The following DSE variants were observed in gnomAD, a reference collection of about 807,000 sequenced individuals.
DSE encodes the protein dermatan-sulfate epimerase.
Under a neutral mutation model 84.4 loss-of-function variants are expected in DSE, and 36 were observed. The ratio of observed to expected loss-of-function variants is 0.43; its 90% CI spans 0.33 to 0.56. DSE has a LOEUF of 0.56. Among genes scored for constraint, DSE ranks in the 20% least tolerant of loss-of-function variants. The pLI is 0.06. For missense variants in DSE, 862 were observed against 1,169.6 expected, an observed-to-expected ratio of 0.74 and a Z score of 3.84; for synonymous variants, 410 against 430.1, an observed-to-expected ratio of 0.95 and a Z score of 0.58.
intron 2 of DSE, among the ~76,000 whole-genome samples, chr6:116,273,789 A>G (rs940427008): frequency 4.6e-5 from 7 of 152,112 alleles, no homozygotes; most frequent in Non-Finnish European, 8.8e-5. Context: ...AACTACTGCA[A>G]GATTACAATT....
intron 2 of DSE, chr6:116,279,472 C>A: frequency 6.2e-7 from 1 of 1,612,536 alleles, no homozygotes; most frequent in Non-Finnish European, 8.5e-7. Flanking sequence ...CTTTTTCAGG[C>A]TGCGGTCGGC....
At chr6:116,405,917 C>T (rs1034907506) in intron 2 of DSE, among the ~76,000 whole-genome samples, 1 of 152,208 alleles carries the variant, frequency 6.6e-6, no homozygotes, top group Non-Finnish European at 1.5e-5. Flanking sequence ...ATGTTCTGCT[C>T]ACCTAAATTG....
upstream of DSE, among the ~76,000 whole-genome samples, chr6:116,368,322 G>A (rs1055924295): frequency 1.3e-5 from 2 of 152,226 alleles, no homozygotes; most frequent in Non-Finnish European, 2.9e-5. Context: ...TTCAAATCCA[G>A]TGTCGGTTGG....
rs1486078111 is a variant in DSE at position 116,437,543 on chromosome 6, C to G, written c.*198C>G. The G allele has an allele frequency of 3.6e-6, 2 of 554,218 alleles. No individual in the cohort carries two copies. Among genetic ancestry groups the G allele is most frequent in the Non-Finnish European group, 6.1e-6 (2 of 325,512 alleles). 34.3% of individuals were successfully genotyped at this position (554,218 alleles called of 1,614,324 possible). A position where few individuals can be genotyped will look rare whatever the true frequency, so the allele number is the denominator to read the frequency against. ...GAAATTATCAAAGCAATAGAAATAG[C>G]TTGGTGGTCCTATGGTGTTTTTGGA... On this transcript the variant is annotated 3_prime_UTR_variant, in exon 6 of 6. Coordinates refer to ENST00000644252, the MANE Select transcript of DSE (RefSeq NM_013352.4).
At chr6:116,399,005 A>G (rs1202734941) in intron 1 of DSE, among the ~76,000 whole-genome samples, 193 bp from the exon 2 acceptor site, 1 of 152,206 alleles carries the variant, frequency 6.6e-6, no homozygotes, top group East Asian at 1.9e-4. Context: ...TACAATTCTG[A>G]TGTAGTATGT....
intron 1 of DSE, among the ~76,000 whole-genome samples, chr6:116,373,928 T>G (rs574945116): frequency 2.0e-5 from 3 of 152,212 alleles, no homozygotes; most frequent in Non-Finnish European, 4.4e-5. Flanking sequence ...ATAGTATTAT[T>G]TCAATAAATA....
At chr6:116,318,943 G>C (rs1419787800) in intron 2 of DSE, among the ~76,000 whole-genome samples, 1 of 152,000 alleles carries the variant, frequency 6.6e-6, no homozygotes, top group Non-Finnish European at 1.5e-5. Flanking sequence ...CTAAAATAGA[G>C]GACAGAATGC....
Position 116,364,053 on chromosome 6 carries a change from T to A in DSE, c.-53-35145T>A, listed in dbSNP as rs186836194. Among the ~76,000 whole-genome samples, 68 of 152,380 alleles carry A rather than the reference T, an allele frequency of 4.5e-4. 1 individual carries two copies. The East Asian group carries it at 0.012, about 27-fold the overall frequency. ...AAAAACTGGTAACAGTCCCCATCTA[T>A]GTTAACCTTGGTTTCTTTGTAAAAC... On this transcript the variant is annotated intron_variant, in intron 2 of 3. Coordinates refer to the DSE transcript ENST00000430252.
chr6:116,320,416 TAAAG>T (rs1244582480), intron 2 of DSE, among the ~76,000 whole-genome samples: 1 of 151,600 alleles, frequency 6.6e-6, no homozygotes, highest in Non-Finnish European at 1.5e-5. Flanking sequence ...TATTTCTAGA[TAAAG>T]AACTTATTAG....
At chr6:116,344,681 T>C (rs1777837550) in intron 2 of DSE, among the ~76,000 whole-genome samples, 1 of 152,110 alleles carries the variant, frequency 6.6e-6, no homozygotes, top group African/African-American at 2.4e-5. Flanking sequence ...TGCCAAATTG[T>C]AAAGATCATC....
chr6:116,410,492 G>A (rs1259250105), intron 2 of DSE, among the ~76,000 whole-genome samples: 1 of 152,140 alleles, frequency 6.6e-6, no homozygotes, highest in Non-Finnish European at 1.5e-5. Flanking sequence ...TCAGCACTTT[G>A]GTAGGCAGAG....
At chr6:116,352,551 G>T (rs1241662811) in intron 2 of DSE, among the ~76,000 whole-genome samples, 4 of 152,234 alleles carry the variant, frequency 2.6e-5, no homozygotes, top group Non-Finnish European at 5.9e-5. Flanking sequence ...CACAGGGTTA[G>T]TGCTGGGTGA....
intron 1 of DSE, among the ~76,000 whole-genome samples, chr6:116,390,261 G>A (rs905275279): frequency 6.6e-6 from 1 of 151,876 alleles, no homozygotes; most frequent in Non-Finnish European, 1.5e-5. Flanking sequence ...TAGAGACAGG[G>A]TTTCACCATG....
intron 2 of DSE, among the ~76,000 whole-genome samples, chr6:116,293,628 A>C (rs1774444609): frequency 6.6e-6 from 1 of 152,192 alleles, no homozygotes; most frequent in Non-Finnish European, 1.5e-5. Context: ...GAGGCCAGAC[A>C]TGGTAGCTCA....
In DSE at chr6:116,290,325, T is replaced by A. The variant is rs1218804726; in HGVS notation, c.-54+31358T>A. On this transcript the variant is annotated intron_variant, in intron 2 of 3. Transcript: ENST00000430252. ...CTTAGGCAGTGTTGGCTGCATTGAT[T>A]GAATGATTCCACACTGATGGCTAGC... is the stretch of plus-strand genomic sequence containing the variant. Among the ~76,000 whole-genome samples the A allele has an allele frequency of 2.6e-5, 4 of 152,174 alleles. No homozygotes were observed. The East Asian group carries it at 5.8e-4, about 22-fold the overall frequency.
At chr6:116,270,935 G>A (rs1026929655) in intron 2 of DSE, among the ~76,000 whole-genome samples, 1 of 152,128 alleles carries the variant, frequency 6.6e-6, no homozygotes, top group African/African-American at 2.4e-5. Context: ...AATGGAGATA[G>A]TGACACTGCA....
intron 2 of DSE, among the ~76,000 whole-genome samples, chr6:116,348,239 A>G (rs1778106141): frequency 1.3e-5 from 2 of 152,146 alleles, no homozygotes; most frequent in Non-Finnish European, 2.9e-5. Context: ...CATCCTGGCT[A>G]ACACGGTGAA....
At chr6:116,420,024 AGC>A (rs1437732531) in intron 2 of DSE, among the ~76,000 whole-genome samples, 3 of 152,242 alleles carry the variant, frequency 2.0e-5, no homozygotes, top group African/African-American at 7.2e-5. Flanking sequence ...CATATGGAAA[AGC>A]CTGCTATAAA....
rs745571339 is a variant in DSE at position 116,436,960 on chromosome 6, T to C, written c.2492T>C (p.Val831Ala). 6.2e-7 allele frequency: 1 copy of C among 1,613,906 alleles called. No individual in the cohort carries two copies. Among genetic ancestry groups the C allele is most frequent in the South Asian group, 1.1e-5 (1 of 91,078 alleles). ...AVPDIFAQIE[V>A]NEKKIRQKAQ... ...CCTGATATTTTTGCACAGATTGAAG[T>C]CAATGAGAAAAAGATTAGACAGAAA... is the stretch of plus-strand genomic sequence containing the variant. Residue 831 changes from valine to alanine, a missense_variant, in exon 6 of 6, where the codon GTC becomes GCC. Coordinates refer to ENST00000644252, the MANE Select transcript of DSE (RefSeq NM_013352.4).
Sources: gnomAD v4.1 joint callset for allele counts (sites outside exome capture counted in the v4.1 genomes callset) on GRCh38, gnomAD v4.1.1 for gene constraint, MANE v1.5 for transcripts, NCBI Gene and HGNC (gene_info 2026-07-23, HGNC 2026-07-21) for gene names.